ECT2L: variants seen among roughly 807,000 people sequenced by gnomAD.
ECT2L encodes the protein epithelial cell transforming 2 like.
A neutral mutation model predicts 122.8 loss-of-function variants in ECT2L; 126 were observed. The ratio of observed to expected loss-of-function variants is 1.03; its 90% CI spans 0.89 to 1.19. The LOEUF is 1.19. ECT2L is among the 50% of genes most tolerant of loss of function. The pLI is 0.00. For missense variants in ECT2L, 1,012 were observed against 1,064.1 expected, an observed-to-expected ratio of 0.95 and a Z score of 0.68; for synonymous variants, 385 against 381.8, an observed-to-expected ratio of 1.01 and a Z score of -0.10.
intron 1 of ECT2L, among the ~76,000 whole-genome samples, chr6:138,805,408 G>A (rs1775681735): frequency 6.6e-6 from 1 of 152,228 alleles, no homozygotes; most frequent in Admixed American, 6.5e-5. Flanking sequence ...CCAGCTGTGT[G>A]AGAGCTCTGG....
chr6:138,827,395 G>C (rs548494028), intron 4 of ECT2L, among the ~76,000 whole-genome samples: 1 of 152,122 alleles, frequency 6.6e-6, no homozygotes, highest in African/African-American at 2.4e-5. Flanking sequence ...CCAGTCTCAG[G>C]TATTTCTTTA....
chr6:138,867,594 G>C (rs967459907), intron 12 of ECT2L, among the ~76,000 whole-genome samples: 4 of 149,962 alleles, frequency 2.7e-5, no homozygotes, highest in African/African-American at 9.9e-5. Context: ...AGGATCACTT[G>C]AGGTCAGGAG....
intron 8 of ECT2L, among the ~76,000 whole-genome samples, chr6:138,847,703 C>A (rs1388451154): frequency 6.6e-6 from 1 of 152,012 alleles, no homozygotes; most frequent in Non-Finnish European, 1.5e-5. Context: ...TAACTGAGGC[C>A]TTTTAACTGA....
In ECT2L at chr6:138,886,709, C is replaced by T. The variant is rs968815422; in HGVS notation, c.2260-148C>T. Reference sequence around the variant, plus strand: ...CTGGGATTACAGACGAAAGTCACTACACCCGGCCCAGAAATTTGAAACTTT... The same window carrying T: ...CTGGGATTACAGACGAAAGTCACTATACCCGGCCCAGAAATTTGAAACTTT... On this transcript the variant is annotated intron_variant, in intron 18 of 21. Transcript: ENST00000541398. 9 of 640,360 alleles carry T rather than the reference C, an allele frequency of 1.4e-5. No homozygotes were observed. The Admixed American group carries it at 1.5e-4, about 11-fold the overall frequency. 39.7% of individuals were successfully genotyped at this position (640,360 alleles called of 1,614,324 possible). A position where few individuals can be genotyped will look rare whatever the true frequency, so the allele number is the denominator to read the frequency against.
intron 14 of ECT2L, among the ~76,000 whole-genome samples, chr6:138,880,522 A>G (rs529413196): frequency 6.6e-6 from 1 of 152,270 alleles, no homozygotes; most frequent in Admixed American, 6.5e-5. Flanking sequence ...TTGCAAGATA[A>G]TCAATAAAAC....
At position 138,849,399 on chromosome 6, in the gene ECT2L, G is replaced by C. The variant is rs753035495; in HGVS notation, c.1034G>C (p.Ser345Thr). 2.5e-6 allele frequency: 4 copies of C among 1,613,830 alleles called. No homozygotes were observed. The highest frequency in any genetic ancestry group is 3.4e-6 in the Non-Finnish European group (4 of 1,179,960). The part of the protein sequence containing the change: ...GQKAQSIGIF[S>T]DGDSREINLL... ...AAGGCACAGAGCATCGGAATATTTA[G>C]CGATGGAGACAGCAGAGAAATCAAT... The change falls in exon 9 of 22, where the codon AGC becomes ACC. Residue 345 changes from serine to threonine, a missense_variant. Coordinates refer to ENST00000541398, the MANE Select transcript of ECT2L (RefSeq NM_001077706.3).
intron 1 of ECT2L, among the ~76,000 whole-genome samples, chr6:138,807,493 C>T (rs902964069): frequency 6.6e-6 from 1 of 152,118 alleles, no homozygotes; most frequent in Non-Finnish European, 1.5e-5. Context: ...TAATGCCGGT[C>T]ATCTTCTCAC....
Position 138,813,286 on chromosome 6 carries a change from C to A in ECT2L, c.12C>A (p.Phe4Leu), listed in dbSNP as rs79219465. 4,778 of 1,612,132 alleles carry A rather than the reference C, an allele frequency of 3.0e-3. 147 individuals are homozygous for A. In the African/African-American group the frequency reaches 0.057, roughly 19 times the overall value. The change falls in exon 3 of 22, where the codon TTC (phenylalanine) becomes TTA (leucine). Residue 4 changes from phenylalanine (F) to leucine (L), a missense_variant. Phe to Leu is a conservative substitution (Grantham distance 22). Transcript: ENST00000541398. MES[F>L]HTRFSAWTPF... ...GGAGAACTCCAGAAATGGAGAGCTT[C>A]CACACCAGATTTAGTGCCTGGACAC...
rs1485987818 is a variant in ECT2L at position 138,813,267 on chromosome 6, C to T, written c.-8C>T. The T allele has an allele frequency of 1.2e-6, 2 of 1,606,464 alleles. No individual in the cohort carries two copies. Among genetic ancestry groups the T allele is most frequent in the South Asian group, 1.1e-5 (1 of 88,782 alleles). On this transcript the variant is annotated 5_prime_UTR_variant, in exon 3 of 22. Transcript: ENST00000541398. ...TCAGCTGGGGATTCTTCCTGGAGAA[C>T]TCCAGAAATGGAGAGCTTCCACACC...
intron 5 of ECT2L, among the ~76,000 whole-genome samples, chr6:138,838,802 G>A (rs990736236): frequency 1.3e-5 from 2 of 152,094 alleles, no homozygotes; most frequent in South Asian, 2.1e-4. Context: ...TTTTTGAGAC[G>A]GAGTCTCGCT....
chr6:138,877,952 T>C (rs1238057825), intron 14 of ECT2L, among the ~76,000 whole-genome samples: 1 of 152,144 alleles, frequency 6.6e-6, no homozygotes, highest in Non-Finnish European at 1.5e-5. Context: ...AGTGTGTTTA[T>C]AATATTTCAA....
chr6:138,843,160 A>C lies in ECT2L; in HGVS notation c.524A>C (p.Glu175Ala), dbSNP rs1777104075. The C allele has an allele frequency of 5.0e-6, 8 of 1,614,050 alleles. No homozygotes were observed. The highest frequency in any genetic ancestry group is 6.8e-6 in the Non-Finnish European group (8 of 1,179,916). Reference protein sequence around the residue: ...GTLNEPKTEDEELLERQREKC... With the variant: ...GTLNEPKTEDAELLERQREKC... ...CTGAATGAACCCAAAACAGAAGATG[A>C]GGAACTACTGGAGAGACAAAGAGAA... The change falls in exon 6 of 22, where the codon GAG (glutamate) becomes GCG (alanine). Residue 175 changes from glutamate (E) to alanine (A), a missense_variant. By Grantham distance (107) the Glu-to-Ala change is moderately radical. Coordinates refer to ENST00000541398, the MANE Select transcript of ECT2L (RefSeq NM_001077706.3).
At chr6:138,823,049 A>C (rs1415648101) in intron 4 of ECT2L, 3 of 1,606,970 alleles carry the variant, frequency 1.9e-6, no homozygotes, top group Non-Finnish European at 2.5e-6. Context: ...CTGTTAATGC[A>C]GTTCATGGGT....
At chr6:138,797,541 T>A (rs537850237) in intron 1 of ECT2L, among the ~76,000 whole-genome samples, 1 of 152,316 alleles carries the variant, frequency 6.6e-6, no homozygotes, top group East Asian at 1.9e-4. Context: ...TTAATTGACA[T>A]CATTGCTCTT....
At chr6:138,822,584 T>C (rs1205681566) in intron 4 of ECT2L, among the ~76,000 whole-genome samples, 3 of 147,132 alleles carry the variant, frequency 2.0e-5, no homozygotes, top group Non-Finnish European at 4.5e-5. Flanking sequence ...AACAAACAAA[T>C]AAAAATGGTG....
chr6:138,841,724 C>T (rs1035119709), intron 5 of ECT2L, among the ~76,000 whole-genome samples: 6 of 152,178 alleles, frequency 3.9e-5, no homozygotes, highest in Non-Finnish European at 8.8e-5. Context: ...TCAGGCTTAC[C>T]TCTCTGGGTT....
chr6:138,808,606 G>A (rs1775787455), intron 1 of ECT2L, among the ~76,000 whole-genome samples: 1 of 152,022 alleles, frequency 6.6e-6, no homozygotes, highest in Admixed American at 6.6e-5. Flanking sequence ...AGCCTAGTGT[G>A]CAGCAAACTT....
intron 20 of ECT2L, among the ~76,000 whole-genome samples, chr6:138,899,912 T>A (rs1020074688): frequency 1.3e-5 from 2 of 152,062 alleles, no homozygotes; most frequent in African/African-American, 4.8e-5. Context: ...ACAGGACAAA[T>A]AACCCACACT....
At chr6:138,900,113 T>G (rs188068301) in intron 20 of ECT2L, among the ~76,000 whole-genome samples, 1 of 152,234 alleles carries the variant, frequency 6.6e-6, no homozygotes, top group East Asian at 1.9e-4. Context: ...TGAACTATAT[T>G]AGGTTATCTA....
Sources: gnomAD v4.1 joint callset for allele counts (sites outside exome capture counted in the v4.1 genomes callset) on GRCh38, gnomAD v4.1.1 for gene constraint, MANE v1.5 for transcripts, NCBI Gene and HGNC (gene_info 2026-07-23, HGNC 2026-07-21) for gene names.